PSMG2: variants seen among roughly 807,000 people sequenced by gnomAD.
The protein encoded by PSMG2 is proteasome assembly chaperone 2, also known as CD40 ligand-activated specific transcript 3.
Under a neutral mutation model 31.5 loss-of-function variants are expected in PSMG2, and 21 were observed. That is an observed-to-expected ratio of 0.67 (90% confidence interval 0.47 to 0.96). The LOEUF is 0.96. Among genes scored for constraint, PSMG2 ranks in the 40% least tolerant of loss-of-function variants. The probability of loss-of-function intolerance (pLI) is 0.00; values close to 1 mark genes in which losing one functional copy is unlikely to be tolerated. For missense variants in PSMG2, 318 were observed against 321.2 expected, an observed-to-expected ratio of 0.99 and a Z score of 0.08; for synonymous variants, 120 against 110.4, an observed-to-expected ratio of 1.09 and a Z score of -0.54.
chr18:12,714,082 ACT>A (rs2040355596), intron 3 of PSMG2, among the ~76,000 whole-genome samples: 1 of 151,770 alleles, frequency 6.6e-6, no homozygotes, highest in Admixed American at 6.6e-5. Context: ...GGTTTCTTTA[ACT>A]CTTTGAGGAT....
chr18:12,671,272 A>C (rs1222771491), intron 1 of PSMG2: 1 of 152,086 alleles, frequency 6.6e-6, no homozygotes, highest in African/African-American at 2.4e-5. Context: ...ACACTTTTAG[A>C]TTTTAATTTT....
chr18:12,696,243 C>T (rs1354086430), intron 1 of PSMG2, among the ~76,000 whole-genome samples: 1 of 152,108 alleles, frequency 6.6e-6, no homozygotes, highest in Non-Finnish European at 1.5e-5. Context: ...CGGTGACTCA[C>T]GCCAATATCC....
At chr18:12,711,750 CTTTTTTTTTTT>C (rs34631690) in intron 2 of PSMG2, among the ~76,000 whole-genome samples, 26 of 97,572 alleles carry the variant, frequency 2.7e-4, no homozygotes, top group African/African-American at 4.8e-4. Flanking sequence ...GCTTCTCATT[CTTTTTTTTTTT>C]TTTTTTTTTT....
intron 1 of PSMG2, chr18:12,686,734 T>C (rs928565452): frequency 4.0e-6 from 1 of 253,074 alleles, no homozygotes; most frequent in Admixed American, 5.0e-5. Flanking sequence ...CAATAAGAAC[T>C]CCTCTGAGAA....
At chr18:12,663,159 C>T (rs1040059080) in intron 1 of PSMG2, among the ~76,000 whole-genome samples, 1 of 152,178 alleles carries the variant, frequency 6.6e-6, no homozygotes, top group Admixed American at 6.5e-5. Flanking sequence ...TCCTATAACA[C>T]AAACTTTCCA....
chr18:12,702,579 C>T (rs2040198041), upstream of PSMG2: 3 of 1,591,434 alleles, frequency 1.9e-6, no homozygotes, highest in South Asian at 1.1e-5. Context: ...CGCCGCTTCT[C>T]CCCGCCTCAG....
intron 3 of PSMG2, among the ~76,000 whole-genome samples, chr18:12,716,542 C>T (rs957868174): frequency 6.6e-6 from 1 of 151,782 alleles, no homozygotes; most frequent in Non-Finnish European, 1.5e-5. Context: ...TACAGGCGCC[C>T]ACCATCACGC....
intron 1 of PSMG2, chr18:12,670,554 T>G (rs1313865107): frequency 6.6e-6 from 1 of 152,234 alleles, no homozygotes; most frequent in Non-Finnish European, 1.5e-5. Flanking sequence ...TAATATAGTC[T>G]GTCTCTTAGT....
At chr18:12,702,710 G>C (rs1381436449), upstream of PSMG2, 1 of 742,194 alleles carries the variant, frequency 1.3e-6, no homozygotes, top group African/African-American at 1.9e-5. Context: ...CAGGCCGGGG[G>C]CTGACCTGGA....
At chr18:12,694,859 T>A (rs936264930) in intron 1 of PSMG2, among the ~76,000 whole-genome samples, 2 of 151,712 alleles carry the variant, frequency 1.3e-5, no homozygotes, top group Non-Finnish European at 2.9e-5. Context: ...TACAGGTGCC[T>A]GCCACCACGC....
chr18:12,668,734 C>CTTTTTTT lies in PSMG2; in HGVS notation c.-37+9977_-37+9983dup, dbSNP rs543253434. On this transcript the variant is annotated intron_variant, in intron 1 of 6. Transcript: ENST00000585331. ...CTACCTAGCAAGATACACTTTATTCCTTTTTTTTTTTTTTTTTTTTTTGAG... is the reference window on the plus strand; with the variant it reads ...CTACCTAGCAAGATACACTTTATTCCTTTTTTTTTTTTTTTTTTTTTTTTTTTTTGAG... Among the ~76,000 whole-genome samples, 6 of 96,736 alleles carry CTTTTTTT rather than the reference C, an allele frequency of 6.2e-5. No homozygotes were observed. The South Asian group carries it at 1.0e-3, about 17-fold the overall frequency. The allele number at this position is 96,736 out of a possible 152,430, so 63.5% of individuals were successfully genotyped here. A position where few individuals can be genotyped will look rare whatever the true frequency, so the allele number is the denominator to read the frequency against.
At position 12,720,561 on chromosome 18, in the gene PSMG2, T is replaced by A. The variant is rs1395139595; in HGVS notation, c.459T>A (p.Asn153Lys). ...LTPSMQKSVQ[N>K]KIKSLNWEEM... ...CTTCCATGCAAAAAAGTGTTCAAAATAAAATAAAGAGCCTTAACTGGGAAG... is the reference window on the plus strand; with the variant it reads ...CTTCCATGCAAAAAAGTGTTCAAAAAAAAATAAAGAGCCTTAACTGGGAAG... Residue 153 changes from asparagine to lysine, a missense_variant, in exon 5 of 7, where the codon AAT (asparagine) becomes AAA (lysine). By Grantham distance (94) the Asn-to-Lys change is moderately conservative. Coordinates refer to ENST00000317615, the MANE Select transcript of PSMG2 (RefSeq NM_020232.5). 6.2e-7 allele frequency: 1 copy of A among 1,612,542 alleles called. No individual in the cohort carries two copies. The highest frequency in any genetic ancestry group is 8.5e-7 in the Non-Finnish European group (1 of 1,179,476).
At chr18:12,698,674 A>G (rs1408062617), upstream of PSMG2, 1 of 251,168 alleles carries the variant, frequency 4.0e-6, no homozygotes, top group Non-Finnish European at 7.6e-6. Context: ...ACCATGTCTC[A>G]TTTTCCACTA....
intron 1 of PSMG2, chr18:12,697,527 G>A: frequency 1.4e-6 from 1 of 693,596 alleles, no homozygotes; most frequent in Non-Finnish European, 2.2e-6. Flanking sequence ...AGAACAATTT[G>A]CTAATGTCTC....
chr18:12,678,982 C>T (rs1598623391), intron 1 of PSMG2: 1 of 152,004 alleles, frequency 6.6e-6, no homozygotes, highest in Non-Finnish European at 1.5e-5. Context: ...CCTCAGATAA[C>T]ATAATTAAAA....
chr18:12,713,573 A>G (rs549847316), intron 3 of PSMG2, among the ~76,000 whole-genome samples: 2 of 152,280 alleles, frequency 1.3e-5, no homozygotes, highest in Non-Finnish European at 2.9e-5. Context: ...TCATGTGCCA[A>G]TTCAGGGGAA....
chr18:12,708,867 G>C (rs1471523987), intron 2 of PSMG2, among the ~76,000 whole-genome samples: 1 of 148,224 alleles, frequency 6.7e-6, no homozygotes, highest in East Asian at 2.0e-4. Context: ...CACCACACCC[G>C]ACTACTTTTT....
intron 1 of PSMG2, among the ~76,000 whole-genome samples, chr18:12,660,210 AGAC>A (rs1255831879): frequency 6.6e-6 from 1 of 152,218 alleles, no homozygotes; most frequent in African/African-American, 2.4e-5. Context: ...TAAATCTTGA[AGAC>A]AACAATACAG....
chr18:12,665,313 G>T (rs1259483169), intron 1 of PSMG2, among the ~76,000 whole-genome samples: 1 of 152,192 alleles, frequency 6.6e-6, no homozygotes, highest in Non-Finnish European at 1.5e-5. Flanking sequence ...TGTGGTCCCA[G>T]CTACTCGGGA....
Sources: gnomAD v4.1 joint callset for allele counts (sites outside exome capture counted in the v4.1 genomes callset) on GRCh38, gnomAD v4.1.1 for gene constraint, MANE v1.5 for transcripts, NCBI Gene and HGNC (gene_info 2026-07-23, HGNC 2026-07-21) for gene names.